Variants in KRABD2 observed in about 807,000 individuals in gnomAD.
KRABD2 encodes KRAB domain containing 2.
the KRABD2 span, among the ~76,000 whole-genome samples, chr17:8,364,755 C>T: frequency 2.0e-5 from 3 of 151,862 alleles, no homozygotes; most frequent in Non-Finnish European, 4.4e-5. This position sits in a 1 kb window ranked among gnomAD's most constrained non-coding sequence, Gnocchi z 4.4. Flanking sequence ...TTTAAAATGC[C>T]GGGCACCATG....
chr17:8,361,259 A>T, the KRABD2 span, among the ~76,000 whole-genome samples: 2 of 152,198 alleles, frequency 1.3e-5, no homozygotes, highest in African/African-American at 4.8e-5. Context: ...GTTCTAGAAG[A>T]GGTAGGAAGT....
the KRABD2 span, chr17:8,373,587 G>C: frequency 5.0e-5 from 9 of 179,354 alleles, no homozygotes; most frequent in South Asian, 9.3e-4. Context: ...GCCTCTGCCC[G>C]GCTGCCACCC....
chr17:8,361,344 A>G, the KRABD2 span, among the ~76,000 whole-genome samples: 1 of 152,184 alleles, frequency 6.6e-6, no homozygotes, highest in African/African-American at 2.4e-5. Flanking sequence ...AGTTGGTTCA[A>G]TTGTCTGTCA....
chr17:8,369,385 C>T, the KRABD2 span: 3 of 1,614,114 alleles, frequency 1.9e-6, no homozygotes, highest in Non-Finnish European at 2.5e-6. Context: ...CCAAACATTG[C>T]CTCAAATGGA....
At chr17:8,363,868 T>TATAC in the KRABD2 span, among the ~76,000 whole-genome samples, 57 of 69,868 alleles carry the variant, frequency 8.2e-4, no homozygotes, top group Non-Finnish European at 1.7e-3. Flanking sequence ...TATATTTATT[T>TATAC]ATTTATTTAT....
the KRABD2 span, chr17:8,368,575 C>T: frequency 6.6e-6 from 1 of 152,296 alleles, no homozygotes; most frequent in African/African-American, 2.4e-5. Flanking sequence ...ACTTTAATTT[C>T]AGACTTTGGG....
At chr17:8,375,703 T>C in the KRABD2 span, 1 of 171,402 alleles carries the variant, frequency 5.8e-6, no homozygotes, top group Non-Finnish European at 1.1e-5. Flanking sequence ...TTTTCTTTCT[T>C]TTTTTTTTTT....
the KRABD2 span, among the ~76,000 whole-genome samples, chr17:8,367,833 C>T: frequency 1.5e-3 from 225 of 151,550 alleles, 1 homozygote; most frequent in African/African-American, 5.0e-3. Context: ...CATCTTGCAC[C>T]GCCCTTAATC....
At chr17:8,370,362 A>C in the KRABD2 span, 6 of 1,584,346 alleles carry the variant, frequency 3.8e-6, 1 homozygote, top group South Asian at 7.0e-5. Flanking sequence ...TCTCTGAGGC[A>C]TCATGGAGAG....
chr17:8,366,661 A>T, the KRABD2 span, among the ~76,000 whole-genome samples: 1 of 152,148 alleles, frequency 6.6e-6, no homozygotes, highest in Non-Finnish European at 1.5e-5. Context: ...CCAGTTGGTA[A>T]GGTGGCCAGT....
the KRABD2 span, chr17:8,371,436 C>G: frequency 1.9e-6 from 3 of 1,614,176 alleles, no homozygotes; most frequent in South Asian, 2.2e-5. Flanking sequence ...ACAACATTGG[C>G]TGCTGCCACA....
the KRABD2 span, among the ~76,000 whole-genome samples, chr17:8,374,734 CAGG>C: frequency 6.7e-6 from 1 of 149,660 alleles, no homozygotes; most frequent in African/African-American, 2.5e-5. Flanking sequence ...ATTACAAGGT[CAGG>C]AGATCGAGAC....
At chr17:8,375,942 C>T in the KRABD2 span, 3 of 1,230,406 alleles carry the variant, frequency 2.4e-6, no homozygotes, top group Non-Finnish European at 3.0e-6. Flanking sequence ...GGAATGTCCT[C>T]GCATTGATCC....
chr17:8,360,036 C>T, the KRABD2 span: 3 of 360,066 alleles, frequency 8.3e-6, no homozygotes, highest in South Asian at 6.2e-5. Context: ...GGCTCACAAG[C>T]ACTCATCTGC....
the KRABD2 span, among the ~76,000 whole-genome samples, chr17:8,360,543 A>G: frequency 3.3e-5 from 5 of 152,192 alleles, no homozygotes; most frequent in Non-Finnish European, 7.3e-5. Flanking sequence ...ACTAAAAAAG[A>G]AACCAAATTC....
the KRABD2 span, among the ~76,000 whole-genome samples, chr17:8,363,863 T>TATATATATATA: frequency 4.5e-4 from 25 of 55,694 alleles, no homozygotes; most frequent in East Asian, 2.4e-3. Flanking sequence ...ATATATATAT[T>TATATATATATA]TATTTATTTA....
chr17:8,372,223 A>G, the KRABD2 span: 1 of 190,888 alleles, frequency 5.2e-6, no homozygotes, highest in Non-Finnish European at 9.7e-6. This position sits in a 1 kb window ranked among gnomAD's most constrained non-coding sequence, Gnocchi z 4.1. Context: ...AATCATGAAT[A>G]TTCCTGATTC....
At chr17:8,365,542 C>T in the KRABD2 span, 1 of 152,180 alleles carries the variant, frequency 6.6e-6, no homozygotes, top group South Asian at 2.1e-4. Context: ...ATGTGGCTTC[C>T]GTGGAAACCT....
the KRABD2 span, among the ~76,000 whole-genome samples, chr17:8,361,796 GT>G: frequency 8.8e-3 from 1,338 of 152,248 alleles, 13 homozygotes; most frequent in Non-Finnish European, 0.013. Flanking sequence ...AGCCTCCAAA[GT>G]GCTTGGATTA....
Sources: allele counts gnomAD v4.1 joint callset (sites outside exome capture counted in the v4.1 genomes callset), GRCh38; gene constraint gnomAD v4.1.1; non-coding constraint Gnocchi (gnomAD v3.1); transcripts MANE v1.5; gene names NCBI Gene and HGNC (gene_info 2026-07-23, HGNC 2026-07-21).